PPM1E: variants seen among roughly 807,000 people sequenced by gnomAD.
PPM1E encodes protein phosphatase, Mg2+/Mn2+ dependent 1E, also known as protein phosphatase 1E.
PPM1E carries 20 observed loss-of-function variants against 65.9 expected under a neutral mutation model. The observed-to-expected ratio is 0.30, with a 90% CI of 0.21 to 0.44. The LOEUF is 0.44. Among genes scored for constraint, PPM1E ranks in the 20% least tolerant of loss-of-function variants. PPM1E has a pLI of 1.00. For synonymous variants in PPM1E, 352 were observed against 374.9 expected (o/e 0.94, Z 0.70); for missense variants, 713 against 953.1 (o/e 0.75, Z 3.32).
intron 1 of PPM1E, among the ~76,000 whole-genome samples, chr17:58,890,617 G>A (rs1375335467): frequency 6.6e-6 from 1 of 152,076 alleles, no homozygotes; most frequent in East Asian, 1.9e-4. Context: ...AGGATCAACT[G>A]TATGTATGTG....
chr17:58,826,207 G>A (rs934469100), intron 1 of PPM1E, among the ~76,000 whole-genome samples: 2 of 150,494 alleles, frequency 1.3e-5, no homozygotes, highest in Admixed American at 6.7e-5. Context: ...GAGGCAGGGA[G>A]AATTGCTTGA....
rs116726072 is a variant in PPM1E at position 58,761,658 on chromosome 17, G to A, written c.464+5197G>A. On this transcript the variant is annotated intron_variant, in intron 1 of 6. Coordinates refer to ENST00000308249, the MANE Select transcript of PPM1E (RefSeq NM_014906.5). Reference sequence around the variant, plus strand: ...CCCAACACAATCCAATTTCTTACCCGTTTTTTAGTTCTCTGTTTAACACCT... The same window carrying A: ...CCCAACACAATCCAATTTCTTACCCATTTTTTAGTTCTCTGTTTAACACCT... 4.5e-3 allele frequency among the ~76,000 whole-genome samples: 686 copies of A among 152,142 alleles called. 3 individuals carry two copies. The highest frequency in any genetic ancestry group is 0.016 in the African/African-American group (649 of 41,508).
intron 1 of PPM1E, among the ~76,000 whole-genome samples, chr17:58,841,920 G>T (rs1411617156): frequency 6.6e-6 from 1 of 152,136 alleles, no homozygotes; most frequent in Non-Finnish European, 1.5e-5. Context: ...TATTGCCCAG[G>T]CTGGTCTTGA....
At chr17:58,906,823 C>T (rs1430687444) in intron 1 of PPM1E, among the ~76,000 whole-genome samples, 1 of 151,786 alleles carries the variant, frequency 6.6e-6, no homozygotes, top group South Asian at 2.1e-4. Flanking sequence ...ACCAATTTCC[C>T]TTTAAGCACT....
chr17:58,874,020 C>T (rs1284914490), intron 1 of PPM1E, among the ~76,000 whole-genome samples: 1 of 152,106 alleles, frequency 6.6e-6, no homozygotes, highest in Non-Finnish European at 1.5e-5. Flanking sequence ...CAGCCAACAT[C>T]GCTTTCGTTG....
intron 1 of PPM1E, among the ~76,000 whole-genome samples, chr17:58,839,346 A>G (rs2050694906): frequency 6.6e-6 from 1 of 152,176 alleles, no homozygotes; most frequent in African/African-American, 2.4e-5. Flanking sequence ...TTTTTAAGGA[A>G]AAAATAATAT....
intron 1 of PPM1E, among the ~76,000 whole-genome samples, chr17:58,813,320 G>C (rs983125970): frequency 1.3e-5 from 2 of 152,048 alleles, no homozygotes; most frequent in African/African-American, 2.4e-5. Flanking sequence ...CTCATACCTT[G>C]GAATTTCTCT....
chr17:58,961,388 G>A (rs2030026352), intron 2 of PPM1E, among the ~76,000 whole-genome samples: 1 of 152,194 alleles, frequency 6.6e-6, no homozygotes, highest in Non-Finnish European at 1.5e-5. Context: ...ATTTGGAGAT[G>A]AAGAACATGG....
intron 1 of PPM1E, among the ~76,000 whole-genome samples, chr17:58,939,475 A>G (rs2052033772): frequency 6.6e-6 from 1 of 152,208 alleles, no homozygotes; most frequent in African/African-American, 2.4e-5. Flanking sequence ...ACAAAGCTCA[A>G]TTTATGAAGT....
At chr17:58,817,984 C>T (rs1293095752) in intron 1 of PPM1E, among the ~76,000 whole-genome samples, 1 of 152,108 alleles carries the variant, frequency 6.6e-6, no homozygotes, top group East Asian at 1.9e-4. Flanking sequence ...CGTGATCCAC[C>T]CGCCTCGGCC....
At chr17:58,871,844 G>T (rs1342300394) in intron 1 of PPM1E, among the ~76,000 whole-genome samples, 9 of 149,216 alleles carry the variant, frequency 6.0e-5, no homozygotes, top group South Asian at 2.1e-4. Context: ...AGAAGAAGAA[G>T]AATATTTATA....
At chr17:58,861,586 C>T (rs942890223) in intron 1 of PPM1E, among the ~76,000 whole-genome samples, 6 of 152,112 alleles carry the variant, frequency 3.9e-5, no homozygotes, top group Non-Finnish European at 7.4e-5. Context: ...CAGTTAGATG[C>T]ACTTGATAAG....
chr17:58,942,296 G>A (rs1466323514), intron 1 of PPM1E, among the ~76,000 whole-genome samples: 1 of 152,086 alleles, frequency 6.6e-6, no homozygotes, highest in Non-Finnish European at 1.5e-5. Context: ...TGAGGTGGGA[G>A]GATTGCTTGA....
intron 1 of PPM1E, among the ~76,000 whole-genome samples, chr17:58,780,095 T>G (rs1190757904): frequency 6.6e-6 from 1 of 152,246 alleles, no homozygotes; most frequent in Non-Finnish European, 1.5e-5. Context: ...TTTAGTAGAA[T>G]AGATTTTCCT....
intron 1 of PPM1E, among the ~76,000 whole-genome samples, chr17:58,893,263 T>C (rs1381656180): frequency 6.6e-6 from 1 of 152,168 alleles, no homozygotes; most frequent in Non-Finnish European, 1.5e-5. Flanking sequence ...GACAATGGAA[T>C]ATTATTTAGC....
chr17:58,891,950 C>T (rs1277986607), intron 1 of PPM1E, among the ~76,000 whole-genome samples: 1 of 142,282 alleles, frequency 7.0e-6, no homozygotes, highest in Non-Finnish European at 1.5e-5. Context: ...ATTTTCATGT[C>T]TCAGCCACCC....
rs745964136 is a variant in PPM1E at position 58,980,600 on chromosome 17, G to A, written c.1837G>A (p.Val613Ile). Residue 613 changes from valine (V) to isoleucine (I), a missense_variant, in exon 7 of 7, where the codon GTT becomes ATT. By Grantham distance (29) the Val-to-Ile change is conservative (BLOSUM62 3). Around this residue, in one of 6 missense-constraint regions of PPM1E, gnomAD observed 286 missense variants for 313.8 expected, o/e 0.91. Coordinates refer to ENST00000308249, the MANE Select transcript of PPM1E (RefSeq NM_014906.5). The surrounding 1 kb of genome is among the most constrained non-coding windows in gnomAD (Gnocchi z 4.7). The stretch of plus-strand genomic sequence containing the variant: ...TGAGTTAATGATGGAGAAAAAATCA[G>A]TTCAGTCATCATTGCCTGAATGGAG... ...INELMMEKKSVQSSLPEWSGA... is the reference protein window; with the variant it reads ...INELMMEKKSIQSSLPEWSGA... 1 of 1,614,184 alleles carries A rather than the reference G, an allele frequency of 6.2e-7. No homozygotes were observed. Among genetic ancestry groups the A allele is most frequent in the Admixed American group, 1.7e-5 (1 of 60,022 alleles).
At chr17:58,910,279 C>T (rs926431601) in intron 1 of PPM1E, among the ~76,000 whole-genome samples, 80 of 152,242 alleles carry the variant, frequency 5.3e-4, no homozygotes, top group African/African-American at 1.9e-3. Context: ...GTCCAGGCTA[C>T]TAATAAGCCC....
At chr17:58,938,583 A>G (rs1008757602) in intron 1 of PPM1E, among the ~76,000 whole-genome samples, 2 of 152,188 alleles carry the variant, frequency 1.3e-5, no homozygotes, top group Admixed American at 1.3e-4. Context: ...CTATGAATAC[A>G]TAAATAATAG....
Sources: allele counts gnomAD v4.1 joint callset (sites outside exome capture counted in the v4.1 genomes callset), GRCh38; gene constraint gnomAD v4.1.1; regional missense constraint gnomAD v4.1.1; non-coding constraint Gnocchi (gnomAD v3.1); transcripts MANE v1.5; gene names NCBI Gene and HGNC (gene_info 2026-07-23, HGNC 2026-07-21).